Variants in GPM6A observed in about 807,000 individuals in gnomAD.
GPM6A encodes glycoprotein M6A.
A neutral mutation model predicts 32.1 loss-of-function variants in GPM6A; 7 were observed. The observed-to-expected ratio is 0.22, with a 90% confidence interval of 0.12 to 0.41. The LOEUF (loss-of-function observed/expected upper bound fraction) is 0.41, where lower values mean the gene tolerates loss of function less well. Among genes scored for constraint, GPM6A ranks in the 10% least tolerant of loss-of-function variants. The pLI is 1.00. For missense variants in GPM6A, 235 were observed against 347.2 expected (o/e 0.68, Z 2.57); for synonymous variants, 130 against 123.4 (o/e 1.05, Z -0.35).
intron 1 of GPM6A, among the ~76,000 whole-genome samples, chr4:175,773,166 T>TA: frequency 6.6e-6 from 1 of 152,216 alleles, no homozygotes; most frequent in East Asian, 1.9e-4. Flanking sequence ...CAGTGCATAT[T>TA]AAAAAACAGT....
chr4:175,805,538 C>T (rs1276060999), intron 1 of GPM6A, among the ~76,000 whole-genome samples: 2 of 152,148 alleles, frequency 1.3e-5, no homozygotes, highest in African/African-American at 4.8e-5. Context: ...GGATAGATTT[C>T]ATCCAATTCC....
chr4:175,855,932 G>C (rs996371093), intron 1 of GPM6A, among the ~76,000 whole-genome samples: 3 of 152,210 alleles, frequency 2.0e-5, no homozygotes, highest in African/African-American at 7.2e-5. Context: ...ACAGGAGCAC[G>C]TAAGAGCCTA....
chr4:175,820,020 G>A (rs187128549), intron 1 of GPM6A, among the ~76,000 whole-genome samples: 118 of 152,306 alleles, frequency 7.7e-4, no homozygotes, highest in African/African-American at 2.7e-3. Flanking sequence ...AGTTGAAGTA[G>A]AGAACGTTCT....
At chr4:175,897,583 G>C (rs1737836415) in intron 1 of GPM6A, among the ~76,000 whole-genome samples, 1 of 152,126 alleles carries the variant, frequency 6.6e-6, no homozygotes, top group Admixed American at 6.6e-5. Flanking sequence ...ACTACCCCTG[G>C]ATTCCTTTAG....
At chr4:175,688,894 C>G (rs1036425640) in intron 2 of GPM6A, among the ~76,000 whole-genome samples, 2 of 152,068 alleles carry the variant, frequency 1.3e-5, no homozygotes, top group Non-Finnish European at 2.9e-5. Flanking sequence ...ACTCTGTCAC[C>G]TAGGCTGAAG....
chr4:175,711,051 G>T (rs1440507617), intron 1 of GPM6A, among the ~76,000 whole-genome samples: 2 of 152,046 alleles, frequency 1.3e-5, no homozygotes, highest in African/African-American at 4.8e-5. Flanking sequence ...TTTATTGTTG[G>T]CTTCTGAGGG....
chr4:175,645,699 C>A (rs1293204078), intron 4 of GPM6A, among the ~76,000 whole-genome samples: 1 of 151,908 alleles, frequency 6.6e-6, no homozygotes. Context: ...CCAGCCTGGG[C>A]GACAGAGCAA....
At chr4:175,729,077 T>C (rs1183150390) in intron 1 of GPM6A, among the ~76,000 whole-genome samples, 1 of 152,146 alleles carries the variant, frequency 6.6e-6, no homozygotes, top group Non-Finnish European at 1.5e-5. Flanking sequence ...CCCCAAATTG[T>C]ATTAGCCATA....
At chr4:175,943,914 T>C (rs950688247) in intron 1 of GPM6A, among the ~76,000 whole-genome samples, 1 of 152,054 alleles carries the variant, frequency 6.6e-6, no homozygotes, top group Non-Finnish European at 1.5e-5. Flanking sequence ...TAGAGAGGAG[T>C]CCCTCTTTTT....
At chr4:175,702,813 T>C (rs895916620) in intron 1 of GPM6A, among the ~76,000 whole-genome samples, 1 of 152,206 alleles carries the variant, frequency 6.6e-6, no homozygotes, top group African/African-American at 2.4e-5. Context: ...AGACAATATC[T>C]GAATTCATGT....
chr4:175,971,123 A>G (rs1002785268), intron 1 of GPM6A, among the ~76,000 whole-genome samples: 1 of 152,184 alleles, frequency 6.6e-6, no homozygotes, highest in Non-Finnish European at 1.5e-5. Context: ...ATTTTTTATT[A>G]ACTCTATTTT....
intron 1 of GPM6A, among the ~76,000 whole-genome samples, chr4:175,976,310 T>C (rs148888916): frequency 0.03 from 4,382 of 146,932 alleles, 134 homozygotes; most frequent in African/African-American, 0.082. Flanking sequence ...TGCAGGCGCC[T>C]GCCACCACGC....
At chr4:175,717,765 T>A (rs1309418081) in intron 1 of GPM6A, among the ~76,000 whole-genome samples, 2 of 152,124 alleles carry the variant, frequency 1.3e-5, no homozygotes, top group Non-Finnish European at 2.9e-5. Flanking sequence ...AGTCTTCATG[T>A]TTTGTTCTTG....
chr4:175,693,246 A>T (rs1373770726), intron 2 of GPM6A, among the ~76,000 whole-genome samples: 1 of 150,122 alleles, frequency 6.7e-6, no homozygotes, highest in Non-Finnish European at 1.5e-5. Flanking sequence ...CAGACATAAG[A>T]TTAGCCTAAA....
At chr4:175,954,852 G>A (rs1167308392) in intron 1 of GPM6A, among the ~76,000 whole-genome samples, 1 of 152,184 alleles carries the variant, frequency 6.6e-6, no homozygotes, top group Non-Finnish European at 1.5e-5. Flanking sequence ...GCCAAACCTT[G>A]TAGTAATGGA....
At chr4:175,992,112 A>T (rs924160766) in intron 1 of GPM6A, among the ~76,000 whole-genome samples, 5 of 151,594 alleles carry the variant, frequency 3.3e-5, no homozygotes, top group African/African-American at 1.2e-4. Flanking sequence ...ATAGCAATCT[A>T]AAAGTTTAGA....
At chr4:175,858,474 GT>G (rs1165702448) in intron 1 of GPM6A, among the ~76,000 whole-genome samples, 2 of 151,612 alleles carry the variant, frequency 1.3e-5, no homozygotes, top group African/African-American at 4.9e-5. Context: ...GGAGGTTGCA[GT>G]GATCTGAGAC....
intron 1 of GPM6A, among the ~76,000 whole-genome samples, chr4:175,917,059 G>A (rs1738516270): frequency 6.6e-6 from 1 of 152,124 alleles, no homozygotes; most frequent in South Asian, 2.1e-4. Context: ...CTGTTAAAAG[G>A]ATCCTGCTGA....
At chr4:175,695,845 C>A (rs114110447) in intron 2 of GPM6A, among the ~76,000 whole-genome samples, 3,696 of 152,244 alleles carry the variant, frequency 0.024, 74 homozygotes, top group Non-Finnish European at 0.038. Flanking sequence ...CCACTCAAAT[C>A]TCATGTTCAA....
Sources: allele counts gnomAD v4.1 joint callset (sites outside exome capture counted in the v4.1 genomes callset), GRCh38; gene constraint gnomAD v4.1.1; transcripts MANE v1.5; gene names NCBI Gene and HGNC (gene_info 2026-07-23, HGNC 2026-07-21).